GABRB3: variants seen among roughly 807,000 people sequenced by gnomAD.
GABRB3 encodes gamma-aminobutyric acid receptor subunit beta-3.
A neutral mutation model predicts 52.1 loss-of-function variants in GABRB3; 14 were observed. That is an observed-to-expected ratio of 0.27 (90% CI 0.18 to 0.42). The LOEUF (loss-of-function observed/expected upper bound fraction) is 0.42, where lower values mean the gene tolerates loss of function less well. GABRB3 is among the 10% of genes least tolerant of loss of function. The pLI, the probability that GABRB3 is intolerant of heterozygous loss-of-function variation, is 1.00. For missense variants in GABRB3, 307 were observed against 609.1 expected, an observed-to-expected ratio of 0.50 and a Z score of 5.22; for synonymous variants, 260 against 232.3, an observed-to-expected ratio of 1.12 and a Z score of -1.08.
chr15:26,731,112 A>G (rs1744485963), intron 3 of GABRB3, among the ~76,000 whole-genome samples: 1 of 151,992 alleles, frequency 6.6e-6, no homozygotes, highest in African/African-American at 2.4e-5. Flanking sequence ...CAAATCAATG[A>G]CTATTTTCAT....
Position 26,554,021 on chromosome 15 carries a change from T to TTTTATATATA in GABRB3, c.1081-5888_1081-5887insTATATATAAA, listed in dbSNP as rs1555400756. Among the ~76,000 whole-genome samples, 6 of 23,684 alleles carry TTTTATATATA rather than the reference T, an allele frequency of 2.5e-4. 1 individual carries two copies. Among genetic ancestry groups the TTTTATATATA allele is most frequent in the African/African-American group, 1.1e-3 (6 of 5,498 alleles). The allele number at this position is 23,684 out of a possible 152,430, so 15.5% of individuals were successfully genotyped here. On this transcript the variant is annotated intron_variant, in intron 8 of 8. Transcript: ENST00000311550. ...TCCCGAGTAGCTGACACCTGACTAT[T>TTTTATATATA]TATATATATATATATTTATTTATTT... is the stretch of plus-strand genomic sequence containing the variant.
intron 7 of GABRB3, 136 bp from the exon 8 acceptor site, chr15:26,561,312 G>A (rs1889976829): frequency 8.3e-7 from 1 of 1,199,866 alleles, no homozygotes; most frequent in African/African-American, 1.5e-5. Context: ...TGACTGGAAT[G>A]CAACAGAGCA....
chr15:26,546,362 A>C lies in GABRB3; in HGVS notation c.*1431T>G, dbSNP rs1275817512. ...ATAGTAAGTTAAGGTTGCGTCTATG[A>C]AACCGGTGCACCTTGTCTTGTTTCT... On this transcript the variant is annotated 3_prime_UTR_variant, in exon 9 of 9. Coordinates refer to ENST00000311550, the MANE Select transcript of GABRB3 (RefSeq NM_000814.6). 6.6e-6 allele frequency: 1 copy of C among 152,512 alleles called. No individual in the cohort carries two copies. The highest frequency in any genetic ancestry group is 1.5e-5 in the Non-Finnish European group (1 of 68,026). The allele number at this position is 152,512 out of a possible 1,614,324, so 9.4% of individuals were successfully genotyped here. A position where few individuals can be genotyped will look rare whatever the true frequency, so the allele number is the denominator to read the frequency against.
chr15:26,758,276 T>G (rs141077939), intron 3 of GABRB3, among the ~76,000 whole-genome samples: 50 of 152,336 alleles, frequency 3.3e-4, no homozygotes, highest in African/African-American at 1.2e-3. Context: ...TAATCAAATA[T>G]AGTCTTGGGC....
rs537827243 is a variant in GABRB3, at chr15:26,649,907, G to A, written c.241-28373C>T. On this transcript the variant is annotated intron_variant, in intron 3 of 8. Coordinates refer to ENST00000311550, the MANE Select transcript of GABRB3 (RefSeq NM_000814.6). ...TAATTTCCGAATCTCCTACAAAGGG[G>A]ATATTTTATTAGTGAGATAAAACAG... Among the ~76,000 whole-genome samples, 4 of 152,202 alleles carry A rather than the reference G, an allele frequency of 2.6e-5. No individual in the cohort carries two copies. The South Asian group carries it at 8.3e-4, about 32-fold the overall frequency.
chr15:26,545,001 C>T lies in GABRB3; in HGVS notation c.*2792G>A, dbSNP rs1567084879. On this transcript the variant is annotated 3_prime_UTR_variant, in exon 9 of 9. Coordinates refer to ENST00000311550, the MANE Select transcript of GABRB3 (RefSeq NM_000814.6). ...AGAGGTCATTTTAACACAACAGAGACTCCAATTCAACTCTCTTCTGTTAAC... is the reference window on the plus strand; with the variant it reads ...AGAGGTCATTTTAACACAACAGAGATTCCAATTCAACTCTCTTCTGTTAAC... 6.6e-6 allele frequency: 1 copy of T among 152,558 alleles called. No individual in the cohort carries two copies. Among genetic ancestry groups the T allele is most frequent in the Non-Finnish European group, 1.5e-5 (1 of 68,034 alleles). 9.5% of individuals were successfully genotyped at this position (152,558 alleles called of 1,614,324 possible).
chr15:26,712,715 A>G (rs1197547260), intron 3 of GABRB3, among the ~76,000 whole-genome samples: 1 of 152,062 alleles, frequency 6.6e-6, no homozygotes, highest in Non-Finnish European at 1.5e-5. Flanking sequence ...TGGAAAGGCG[A>G]GGAGGGGGAG....
At chr15:26,685,665 T>C (rs1056232770) in intron 3 of GABRB3, among the ~76,000 whole-genome samples, 5 of 152,182 alleles carry the variant, frequency 3.3e-5, no homozygotes, top group Non-Finnish European at 5.9e-5. Flanking sequence ...AAACAGTTTA[T>C]TCAAAATAAA....
chr15:26,682,496 C>G (rs1013599924), intron 3 of GABRB3, among the ~76,000 whole-genome samples: 1 of 152,204 alleles, frequency 6.6e-6, no homozygotes, highest in Admixed American at 6.5e-5. Context: ...CGGCACGGGA[C>G]AGCCCCCGAG....
At chr15:26,652,248 C>T (rs1010352385) in intron 3 of GABRB3, among the ~76,000 whole-genome samples, 5 of 152,222 alleles carry the variant, frequency 3.3e-5, no homozygotes, top group Non-Finnish European at 7.3e-5. Flanking sequence ...TTCCTCCTTT[C>T]GTGGCACAAC....
chr15:26,586,591 T>C (rs1890997307), intron 4 of GABRB3, among the ~76,000 whole-genome samples: 1 of 148,718 alleles, frequency 6.7e-6, no homozygotes, highest in Admixed American at 6.9e-5. Context: ...CTCATTCTGT[T>C]ATAATGCTGG....
At chr15:26,711,166 T>C (rs554164726) in intron 3 of GABRB3, among the ~76,000 whole-genome samples, 4 of 152,384 alleles carry the variant, frequency 2.6e-5, no homozygotes, top group South Asian at 2.1e-4. Flanking sequence ...CATTGGCCTA[T>C]ATTAATGAGG....
At chr15:26,552,086 A>AG (rs1430892745) in intron 8 of GABRB3, among the ~76,000 whole-genome samples, 9 of 151,744 alleles carry the variant, frequency 5.9e-5, no homozygotes, top group African/African-American at 2.2e-4. Flanking sequence ...AGCTCACCGC[A>AG]ACCTCCTCCT....
At chr15:26,575,000 C>T (rs1890544221) in intron 6 of GABRB3, among the ~76,000 whole-genome samples, 1 of 152,210 alleles carries the variant, frequency 6.6e-6, no homozygotes, top group African/African-American at 2.4e-5. Context: ...CCAAAGTACA[C>T]TCTCAATAAA....
At chr15:26,753,408 A>G (rs1435111827) in intron 3 of GABRB3, among the ~76,000 whole-genome samples, 5 of 152,242 alleles carry the variant, frequency 3.3e-5, no homozygotes, top group Non-Finnish European at 5.9e-5. Flanking sequence ...CTGGGAAAAA[A>G]GGAGCGGTCT....
At chr15:26,598,611 A>G (rs1755944247) in intron 4 of GABRB3, among the ~76,000 whole-genome samples, 1 of 152,210 alleles carries the variant, frequency 6.6e-6, no homozygotes, top group Admixed American at 6.5e-5. Flanking sequence ...ATGCCAGATG[A>G]AAAAGGATTT....
intron 3 of GABRB3, among the ~76,000 whole-genome samples, chr15:26,738,996 T>C (rs1212079200): frequency 1.3e-5 from 2 of 152,188 alleles, no homozygotes; most frequent in African/African-American, 4.8e-5. Flanking sequence ...TAACAATATG[T>C]CTAATTTAAT....
At chr15:26,555,935 G>A (rs745365445) in intron 8 of GABRB3, among the ~76,000 whole-genome samples, 21 of 152,056 alleles carry the variant, frequency 1.4e-4, no homozygotes, top group Non-Finnish European at 2.4e-4. Flanking sequence ...GAACTAAAGG[G>A]TTACTAAAAA....
chr15:26,713,189 C>T (rs994242196), intron 3 of GABRB3, among the ~76,000 whole-genome samples: 4 of 152,194 alleles, frequency 2.6e-5, no homozygotes, highest in African/African-American at 9.6e-5. Flanking sequence ...CTGAGAGCGG[C>T]TGAGGCAGGG....
Sources: gnomAD v4.1 joint callset for allele counts (sites outside exome capture counted in the v4.1 genomes callset) on GRCh38, gnomAD v4.1.1 for gene constraint, MANE v1.5 for transcripts, NCBI Gene and HGNC (gene_info 2026-07-23, HGNC 2026-07-21) for gene names.